Variants in NR2E1 observed in about 807,000 individuals in gnomAD.
NR2E1 encodes the protein nuclear receptor TLX.
NR2E1 carries 5 observed loss-of-function variants against 43.6 expected under a neutral mutation model. That is an observed-to-expected ratio of 0.11 (90% CI 0.06 to 0.24). The LOEUF (loss-of-function observed/expected upper bound fraction) is 0.24, where lower values mean the gene tolerates loss of function less well. Among genes scored for constraint, NR2E1 ranks in the 10% least tolerant of loss-of-function variants. NR2E1 has a pLI of 1.00. For synonymous variants in NR2E1, 191 were observed against 195.5 expected, an observed-to-expected ratio of 0.98 and a Z score of 0.19; for missense variants, 287 against 496.7, an observed-to-expected ratio of 0.58 and a Z score of 4.01.
intron 7 of NR2E1, 116 bp downstream of exon 7, chr6:108,181,072 G>T: frequency 9.0e-7 from 1 of 1,108,502 alleles, no homozygotes; most frequent in African/African-American, 1.5e-5. Context: ...TTTCAAGGGA[G>T]CTGATACTCT....
intron 1 of NR2E1, among the ~76,000 whole-genome samples, chr6:108,167,652 A>T (rs953907726): frequency 6.6e-6 from 1 of 152,172 alleles, no homozygotes; most frequent in Non-Finnish European, 1.5e-5. Flanking sequence ...GGGGCATTTC[A>T]GTTCCCGCCA....
At chr6:108,174,107 C>T (rs537201978) in intron 2 of NR2E1, among the ~76,000 whole-genome samples, 1 of 152,276 alleles carries the variant, frequency 6.6e-6, no homozygotes, top group South Asian at 2.1e-4. Flanking sequence ...TCCTTTTTCA[C>T]CCTCATCTTC....
At chr6:108,168,234 G>T in intron 1 of NR2E1, 1 of 1,441,740 alleles carries the variant, frequency 6.9e-7, no homozygotes, top group African/African-American at 1.4e-5. Flanking sequence ...TCAGGAGGCC[G>T]TTTCTGTTGC....
intron 1 of NR2E1, among the ~76,000 whole-genome samples, chr6:108,170,809 A>AT (rs1401088565): frequency 2.0e-5 from 3 of 152,018 alleles, no homozygotes; most frequent in South Asian, 4.1e-4. Flanking sequence ...GGAGAAAATA[A>AT]TTTTTTCCTA....
rs1774097345 is a variant in NR2E1, at chr6:108,187,675, A to G, written c.*212A>G. 2 of 553,666 alleles carry G rather than the reference A, an allele frequency of 3.6e-6. No homozygotes were observed. Among genetic ancestry groups the G allele is most frequent in the Admixed American group, 5.7e-5 (2 of 34,926 alleles). The allele number at this position is 553,666 out of a possible 1,614,324, so 34.3% of individuals were successfully genotyped here. A position where few individuals can be genotyped will look rare whatever the true frequency, so the allele number is the denominator to read the frequency against. On this transcript the variant is annotated 3_prime_UTR_variant, in exon 9 of 9. Transcript: ENST00000368986. Reference sequence around the variant, plus strand: ...CGGGTGGGAAGGAGAGGGGTGCAACAGGACCGCCTGCACTGAAAACTCACT... The same window carrying G: ...CGGGTGGGAAGGAGAGGGGTGCAACGGGACCGCCTGCACTGAAAACTCACT...
At chr6:108,168,115 C>T (rs1230805815) in intron 1 of NR2E1, 1 of 1,603,774 alleles carries the variant, frequency 6.2e-7, no homozygotes, top group African/African-American at 1.3e-5. Flanking sequence ...CTGGGTTTCC[C>T]TTTAGGCTCG....
chr6:108,169,936 C>T lies in NR2E1; in HGVS notation c.26-1522C>T, dbSNP rs1773781320. Among the ~76,000 whole-genome samples the T allele has an allele frequency of 6.6e-6, 1 of 152,116 alleles. No individual in the cohort carries two copies. Among genetic ancestry groups the T allele is most frequent in the Non-Finnish European group, 1.5e-5 (1 of 68,014 alleles). Reference sequence around the variant, plus strand: ...TTGTAATTACCCGGCCGAGCCTGGTCGTTACCGAACACCCCCTCACCCCCA... The same window carrying T: ...TTGTAATTACCCGGCCGAGCCTGGTTGTTACCGAACACCCCCTCACCCCCA... On this transcript the variant is annotated intron_variant, in intron 1 of 8. Coordinates refer to ENST00000368986, the MANE Select transcript of NR2E1 (RefSeq NM_003269.5). The surrounding 1 kb of genome is among the most constrained non-coding windows in gnomAD (Gnocchi z 6.1).
Position 108,187,563 on chromosome 6 carries a change from C to A in NR2E1, c.*100C>A. 1 of 1,334,166 alleles carries A rather than the reference C, an allele frequency of 7.5e-7. No individual in the cohort carries two copies. The highest frequency in any genetic ancestry group is 1.1e-6 in the Non-Finnish European group (1 of 934,196). 82.6% of individuals were successfully genotyped at this position (1,334,166 alleles called of 1,614,324 possible). A position where few individuals can be genotyped will look rare whatever the true frequency, so the allele number is the denominator to read the frequency against. ...AACAAACCCTTCAGGAAGCATATAC[C>A]GGGGAATGTGTAGCCTTCAGGAAAA... is the stretch of plus-strand genomic sequence containing the variant. On this transcript the variant is annotated 3_prime_UTR_variant, in exon 9 of 9. Transcript: ENST00000368986.
chr6:108,175,385 G>T (rs1408774689), intron 3 of NR2E1, among the ~76,000 whole-genome samples: 5 of 152,248 alleles, frequency 3.3e-5, no homozygotes, highest in Non-Finnish European at 7.3e-5. Context: ...CGAAAACGCG[G>T]AATTTCCAGC....
chr6:108,166,034 G>C lies in NR2E1; in HGVS notation c.-732G>C, dbSNP rs1420412935. 1 of 152,684 alleles carries C rather than the reference G, an allele frequency of 6.5e-6. No individual in the cohort carries two copies. The highest frequency in any genetic ancestry group is 2.4e-5 in the African/African-American group (1 of 41,452). 9.5% of individuals were successfully genotyped at this position (152,684 alleles called of 1,614,324 possible). A position where few individuals can be genotyped will look rare whatever the true frequency, so the allele number is the denominator to read the frequency against. The stretch of plus-strand genomic sequence containing the variant: ...CCAGGGACGCCCTATTCCCCTCCCC[G>C]CGGCTGCCTGTCAGAGCGCTTCTGG... On this transcript the variant is annotated 5_prime_UTR_variant, in exon 1 of 9. Coordinates refer to ENST00000368986, the MANE Select transcript of NR2E1 (RefSeq NM_003269.5). This position sits in a 1 kb window ranked among gnomAD's most constrained non-coding sequence, Gnocchi z 7.2.
rs1774105462 is a variant in NR2E1, at chr6:108,188,165, T to C, written c.*702T>C. ...ACAAAATGAGATTCTCACCAGGACT[T>C]CAGGTTGGATAACATGTCAAAAAGA... On this transcript the variant is annotated 3_prime_UTR_variant, in exon 9 of 9. Transcript: ENST00000368986. 1 of 152,638 alleles carries C rather than the reference T, an allele frequency of 6.6e-6. No individual in the cohort carries two copies. Among genetic ancestry groups the C allele is most frequent in the Non-Finnish European group, 1.5e-5 (1 of 68,432 alleles). 9.5% of individuals were successfully genotyped at this position (152,638 alleles called of 1,614,324 possible).
intron 2 of NR2E1, 33 bp downstream of exon 2, chr6:108,171,636 G>T: frequency 6.2e-7 from 1 of 1,613,090 alleles, no homozygotes; most frequent in Non-Finnish European, 8.5e-7. Flanking sequence ...GCTGGGCTCC[G>T]CTCTGCTGCC....
chr6:108,171,994 C>T (rs1773819682), intron 2 of NR2E1, among the ~76,000 whole-genome samples: 1 of 152,172 alleles, frequency 6.6e-6, no homozygotes. Flanking sequence ...TGTGCCTGCC[C>T]ACCCCACACT....
At chr6:108,173,710 CAGT>C (rs1435276797) in intron 2 of NR2E1, among the ~76,000 whole-genome samples, 1 of 152,322 alleles carries the variant, frequency 6.6e-6, no homozygotes, top group African/African-American at 2.4e-5. Context: ...ACAAATCTAA[CAGT>C]AGCAACTTCT....
At position 108,180,691 on chromosome 6, in the gene NR2E1, A is replaced by G; in HGVS notation, c.740-116A>G. On this transcript the variant is annotated intron_variant, in intron 6 of 8. Coordinates refer to ENST00000368986, the MANE Select transcript of NR2E1 (RefSeq NM_003269.5). This position sits in a 1 kb window ranked among gnomAD's most constrained non-coding sequence, Gnocchi z 5.4. ...CAATATAGCCGGTTTACATGGAATC[A>G]GATATCTTAGAGTGACAATTGAATA... 2 of 985,586 alleles carry G rather than the reference A, an allele frequency of 2.0e-6. No individual in the cohort carries two copies. Among genetic ancestry groups the G allele is most frequent in the Non-Finnish European group, 3.2e-6 (2 of 632,294 alleles). 61.1% of individuals were successfully genotyped at this position (985,586 alleles called of 1,614,324 possible). A position where few individuals can be genotyped will look rare whatever the true frequency, so the allele number is the denominator to read the frequency against.
At chr6:108,183,435 T>C (rs918765782) in intron 8 of NR2E1, among the ~76,000 whole-genome samples, 1 of 152,212 alleles carries the variant, frequency 6.6e-6, no homozygotes, top group East Asian at 1.9e-4. Flanking sequence ...CTTTCTAGTT[T>C]CCTGAGTTAG....
In NR2E1 at chr6:108,180,207, A is replaced by G. The variant is rs930429259; in HGVS notation, c.643-116A>G. ...GGGAAAGCTAGAATATTCAGAAAAA[A>G]TTACCAAGACAGGCATTTAAAACAC... On this transcript the variant is annotated intron_variant, in intron 5 of 8. Transcript: ENST00000368986. This position sits in a 1 kb window ranked among gnomAD's most constrained non-coding sequence, Gnocchi z 5.4. 1.2e-5 allele frequency: 9 copies of G among 739,010 alleles called. No individual in the cohort carries two copies. The highest frequency in any genetic ancestry group is 2.1e-5 in the Non-Finnish European group (9 of 434,656). 45.8% of individuals were successfully genotyped at this position (739,010 alleles called of 1,614,324 possible).
intron 4 of NR2E1, 150 bp downstream of exon 4, chr6:108,176,888 C>T: frequency 1.4e-6 from 1 of 729,406 alleles, no homozygotes; most frequent in Non-Finnish European, 2.2e-6. Context: ...TCCAGCCCTT[C>T]TGCTCTCCCT....
At chr6:108,187,160 C>T (rs1331008596) in intron 8 of NR2E1, 141 bp from the exon 9 acceptor site, 1 of 1,009,874 alleles carries the variant, frequency 9.9e-7, no homozygotes, top group Admixed American at 1.7e-5. Context: ...CAGTGCCTGT[C>T]CAGAACTTTG....
Sources: gnomAD v4.1 joint callset for allele counts (sites outside exome capture counted in the v4.1 genomes callset) on GRCh38, gnomAD v4.1.1 for gene constraint, Gnocchi (gnomAD v3.1) non-coding constraint, MANE v1.5 for transcripts, NCBI Gene and HGNC (gene_info 2026-07-23, HGNC 2026-07-21) for gene names.